The following FSTL4 variants were observed in gnomAD, a reference collection of about 807,000 sequenced individuals.
The protein encoded by FSTL4 is follistatin-related protein 4.
A neutral mutation model predicts 78.2 loss-of-function variants in FSTL4; 28 were observed. That is an observed-to-expected ratio of 0.36 (90% confidence interval 0.27 to 0.49). FSTL4 has a LOEUF of 0.49. FSTL4 is among the 20% of genes least tolerant of loss of function. The pLI, the probability that FSTL4 is intolerant of heterozygous loss-of-function variation, is 0.98. For missense variants in FSTL4, 922 were observed against 1,084.9 expected (o/e 0.85, Z 2.11); for synonymous variants, 422 against 440.5 (o/e 0.96, Z 0.53).
intron 5 of FSTL4, among the ~76,000 whole-genome samples, chr5:133,314,965 C>T (rs1753869277): frequency 6.6e-6 from 1 of 152,118 alleles, no homozygotes; most frequent in South Asian, 2.1e-4. Flanking sequence ...GAGTTTGAGA[C>T]CAGCCTGGCA....
intron 6 of FSTL4, among the ~76,000 whole-genome samples, chr5:133,300,951 G>A (rs561903265): frequency 2.0e-4 from 31 of 152,310 alleles, no homozygotes; most frequent in African/African-American, 6.3e-4. Context: ...GGTTGGAGGC[G>A]TCAACTGCTA....
At chr5:133,783,161 C>A in the FSTL4 span, among the ~76,000 whole-genome samples, 2 of 152,150 alleles carry the variant, frequency 1.3e-5, no homozygotes, top group South Asian at 2.1e-4. Flanking sequence ...TTTTGCAGCT[C>A]CCCACCACAA....
intron 4 of FSTL4, among the ~76,000 whole-genome samples, chr5:133,369,655 C>A (rs1021550688): frequency 5.3e-5 from 8 of 152,200 alleles, no homozygotes; most frequent in African/African-American, 1.7e-4. Context: ...CCACAAAATG[C>A]TCAGCTTAGG....
chr5:133,671,563 T>TA, the FSTL4 span, among the ~76,000 whole-genome samples: 2 of 152,224 alleles, frequency 1.3e-5, no homozygotes, highest in Non-Finnish European at 2.9e-5. Context: ...GCAGAAAGGG[T>TA]ACACTCGCCA....
the FSTL4 span, among the ~76,000 whole-genome samples, chr5:133,787,789 T>C: frequency 1.3e-5 from 2 of 152,218 alleles, no homozygotes; most frequent in African/African-American, 4.8e-5. Flanking sequence ...CCCTTCCCAC[T>C]TAGAGGCTGC....
the FSTL4 span, among the ~76,000 whole-genome samples, chr5:133,784,186 C>G: frequency 6.6e-6 from 1 of 152,144 alleles, no homozygotes. Flanking sequence ...TAGTAAAGAT[C>G]TATCAATCTT....
intron 6 of FSTL4, among the ~76,000 whole-genome samples, chr5:133,268,989 G>C (rs1413179993): frequency 6.6e-6 from 1 of 152,130 alleles, no homozygotes; most frequent in African/African-American, 2.4e-5. Flanking sequence ...AGACCATCCT[G>C]GCTAACACGG....
intron 3 of FSTL4, among the ~76,000 whole-genome samples, chr5:133,423,154 C>T (rs1401692337): frequency 2.0e-5 from 3 of 152,220 alleles, no homozygotes; most frequent in South Asian, 2.1e-4. Context: ...GGAGCTGGCC[C>T]GCTGGCTTTG....
At chr5:133,399,823 G>A (rs1395601068) in intron 4 of FSTL4, among the ~76,000 whole-genome samples, 4 of 152,218 alleles carry the variant, frequency 2.6e-5, no homozygotes, top group Admixed American at 2.0e-4. Context: ...CAGGCTATGT[G>A]GGCCTGTTCC....
intron 6 of FSTL4, among the ~76,000 whole-genome samples, chr5:133,287,738 C>T (rs377640648): frequency 3.3e-5 from 5 of 152,298 alleles, no homozygotes; most frequent in Admixed American, 6.5e-5. Context: ...ACAGCAGTGC[C>T]GTTTCTTGAA....
At chr5:133,766,604 G>T in the FSTL4 span, among the ~76,000 whole-genome samples, 1 of 152,204 alleles carries the variant, frequency 6.6e-6, no homozygotes, top group East Asian at 1.9e-4. Flanking sequence ...GTGGGGTACT[G>T]TGCTACTGAG....
chr5:133,238,354 A>G (rs997098963), intron 7 of FSTL4, among the ~76,000 whole-genome samples: 1 of 152,228 alleles, frequency 6.6e-6, no homozygotes, highest in Non-Finnish European at 1.5e-5. Context: ...CTCTCCCCCA[A>G]CAATCCTTCA....
chr5:133,739,606 C>T, the FSTL4 span, among the ~76,000 whole-genome samples: 2 of 152,180 alleles, frequency 1.3e-5, no homozygotes, highest in Admixed American at 1.3e-4. Context: ...CCTAGGAGCC[C>T]GCCTAAATCT....
At chr5:133,469,616 G>A (rs973633005) in intron 3 of FSTL4, among the ~76,000 whole-genome samples, 3 of 152,188 alleles carry the variant, frequency 2.0e-5, no homozygotes, top group Non-Finnish European at 4.4e-5. Flanking sequence ...AAAACAAAAG[G>A]AGAGGGTTCA....
chr5:133,685,887 A>T, the FSTL4 span, among the ~76,000 whole-genome samples: 28 of 152,184 alleles, frequency 1.8e-4, no homozygotes, highest in Non-Finnish European at 3.8e-4. Context: ...ATCAGCTCTG[A>T]CATACTCCCG....
Position 133,418,045 on chromosome 5 carries a change from C to T in FSTL4, c.161-17059G>A, listed in dbSNP as rs1756614722. On this transcript the variant is annotated intron_variant, in intron 3 of 15. Transcript: ENST00000265342. ...ATCAGTAGACAGTGAACTAACTTTCCACCTCAAGAATAAAGAAAAAGGAAA... is the reference window on the plus strand; with the variant it reads ...ATCAGTAGACAGTGAACTAACTTTCTACCTCAAGAATAAAGAAAAAGGAAA... 2.0e-5 allele frequency among the ~76,000 whole-genome samples: 3 copies of T among 149,514 alleles called. 1 individual carries two copies. The South Asian group carries it at 6.4e-4, about 32-fold the overall frequency.
At chr5:133,503,979 T>G (rs1321948422) in intron 3 of FSTL4, among the ~76,000 whole-genome samples, 1 of 152,064 alleles carries the variant, frequency 6.6e-6, no homozygotes, top group Non-Finnish European at 1.5e-5. Context: ...GTGGGAGGAA[T>G]GAGAAGAATG....
chr5:133,317,912 T>TG (rs1753948757), intron 4 of FSTL4, among the ~76,000 whole-genome samples: 1 of 152,188 alleles, frequency 6.6e-6, no homozygotes, highest in Non-Finnish European at 1.5e-5. Context: ...GGGAAGCTAC[T>TG]GGGGGGAAAG....
chr5:133,753,864 T>G, the FSTL4 span, among the ~76,000 whole-genome samples: 1 of 152,196 alleles, frequency 6.6e-6, no homozygotes, highest in Non-Finnish European at 1.5e-5. Flanking sequence ...GTTTAAACTA[T>G]GGACTTTAAA....
Sources: allele counts gnomAD v4.1 joint callset (sites outside exome capture counted in the v4.1 genomes callset), GRCh38; gene constraint gnomAD v4.1.1; transcripts MANE v1.5; gene names NCBI Gene and HGNC (gene_info 2026-07-23, HGNC 2026-07-21).